Variants in EYS observed in about 807,000 individuals in gnomAD.
EYS encodes the protein EGF-like photoreceptor maintenance factor, also known as protein eyes shut homolog.
Under a neutral mutation model 282.1 loss-of-function variants are expected in EYS, and 250 were observed. That is an observed-to-expected ratio of 0.89 (90% CI 0.80 to 0.98). EYS has a LOEUF of 0.98. Among genes scored for constraint, EYS ranks in the 50% least tolerant of loss-of-function variants. The probability of loss-of-function intolerance (pLI) is 0.00; values close to 1 mark genes in which losing one functional copy is unlikely to be tolerated. For missense variants in EYS, 4,016 were observed against 3,709.0 expected (o/e 1.08, Z -2.15); for synonymous variants, 1,355 against 1,282.9 (o/e 1.06, Z -1.20).
At chr6:65,463,811 A>G (rs1256383077) in intron 5 of EYS, among the ~76,000 whole-genome samples, 2 of 152,114 alleles carry the variant, frequency 1.3e-5, no homozygotes, top group Non-Finnish European at 2.9e-5. Flanking sequence ...GTGTTCCATT[A>G]TTGGAGTGCT....
At position 64,946,693 on chromosome 6, in the gene EYS, G is replaced by A. The variant is rs549972727; in HGVS notation, c.2260-779C>T. On this transcript the variant is annotated intron_variant, in intron 14 of 42. Coordinates refer to ENST00000503581, the MANE Select transcript of EYS (RefSeq NM_001142800.2). ...ACTTTTCAATACAGTAGCCACATGT[G>A]GCTATAAAACATTGAAACATGGCTA... Among the ~76,000 whole-genome samples, 12 of 151,872 alleles carry A rather than the reference G, an allele frequency of 7.9e-5. No homozygotes were observed. The South Asian group carries it at 2.5e-3, about 32-fold the overall frequency.
chr6:65,362,994 T>C, intron 8 of EYS, among the ~76,000 whole-genome samples: 1 of 152,068 alleles, frequency 6.6e-6, no homozygotes, highest in Non-Finnish European at 1.5e-5. Context: ...ATGAAAATGA[T>C]CTGATTGCAT....
At chr6:65,392,578 C>T (rs572082990) in intron 7 of EYS, among the ~76,000 whole-genome samples, 38 of 152,210 alleles carry the variant, frequency 2.5e-4, no homozygotes, top group Admixed American at 9.2e-4. Context: ...AAAATGCTCA[C>T]CATCACTGGC....
At chr6:65,066,904 AT>A (rs1028124261) in intron 12 of EYS, among the ~76,000 whole-genome samples, 14 of 152,326 alleles carry the variant, frequency 9.2e-5, no homozygotes, top group Admixed American at 7.8e-4. Context: ...GGGACTGGTC[AT>A]TTAAATGTGA....
rs1386939564 is a variant in EYS at position 64,813,541 on chromosome 6, A to G, written c.3280T>C (p.Cys1094Arg). ...GTAAATCCATGTGCTGACTTCTGAC[A>G]GAAGCCTTCATTCATACAAGGGATT... ...TSIPCMNEGF[C>R]QKSAHGFTCI... The change falls in exon 22 of 43, where the codon TGT becomes CGT. Residue 1094 changes from cysteine (C) to arginine (R), a missense_variant. Physicochemically the swap from Cys to Arg is radical, Grantham distance 180 (BLOSUM62 -3). Transcript: ENST00000503581. 1 of 1,550,120 alleles carries G rather than the reference A, an allele frequency of 6.5e-7. No homozygotes were observed. Among genetic ancestry groups the G allele is most frequent in the Non-Finnish European group, 8.7e-7 (1 of 1,145,900 alleles).
intron 14 of EYS, among the ~76,000 whole-genome samples, chr6:64,951,537 GA>G (rs1769509931): frequency 6.6e-6 from 1 of 151,878 alleles, no homozygotes; most frequent in African/African-American, 2.4e-5. Context: ...ACTGACAGTA[GA>G]AATATACTAT....
intron 26 of EYS, among the ~76,000 whole-genome samples, chr6:64,514,818 C>A (rs1201369536): frequency 6.6e-6 from 1 of 151,590 alleles, no homozygotes; most frequent in Non-Finnish European, 1.5e-5. Context: ...GATATGTTGA[C>A]AGCATTAAAG....
At chr6:65,212,271 A>G (rs1766194665) in intron 12 of EYS, among the ~76,000 whole-genome samples, 2 of 152,106 alleles carry the variant, frequency 1.3e-5, no homozygotes, top group East Asian at 1.9e-4. Flanking sequence ...TTGGAAAAGA[A>G]AGAATATGGT....
rs983627817 is a variant in EYS at position 65,384,627 on chromosome 6, A to T, written c.1185-127T>A. 1.3e-5 allele frequency: 8 copies of T among 615,638 alleles called. No individual in the cohort carries two copies. In the Admixed American group the frequency reaches 1.4e-4, roughly 11 times the overall value. The allele number at this position is 615,638 out of a possible 1,614,324, so 38.1% of individuals were successfully genotyped here. ...ATGGTATTATTAATCATTTTTTAAT[A>T]CATACCTGTGATCTTAGCCAAAAAG... On this transcript the variant is annotated intron_variant, in intron 7 of 42. Coordinates refer to ENST00000503581, the MANE Select transcript of EYS (RefSeq NM_001142800.2).
At chr6:65,151,585 A>T (rs1764612234) in intron 12 of EYS, among the ~76,000 whole-genome samples, 1 of 152,066 alleles carries the variant, frequency 6.6e-6, no homozygotes, top group African/African-American at 2.4e-5. Context: ...TAGAAGAATA[A>T]GTATAAGCCC....
Position 65,162,385 on chromosome 6 carries a change from A to G in EYS, c.2024-104658T>C, listed in dbSNP as rs973938429. 1.6e-3 allele frequency among the ~76,000 whole-genome samples: 244 copies of G among 151,396 alleles called. 3 individuals carry two copies. The highest frequency in any genetic ancestry group is 1.1e-3 in the Non-Finnish European group (74 of 67,516). ...TGAGATAGAGAGGAAAATCCTCGGTAACACTACCTGACAATGAGCAGTTCT... is the reference window on the plus strand; with the variant it reads ...TGAGATAGAGAGGAAAATCCTCGGTGACACTACCTGACAATGAGCAGTTCT... On this transcript the variant is annotated intron_variant, in intron 12 of 42. Coordinates refer to ENST00000503581, the MANE Select transcript of EYS (RefSeq NM_001142800.2).
At chr6:64,351,846 T>G (rs548925638) in intron 29 of EYS, among the ~76,000 whole-genome samples, 1 of 151,584 alleles carries the variant, frequency 6.6e-6, no homozygotes, top group East Asian at 1.9e-4. Context: ...AATAATACCA[T>G]GTATGTATAA....
chr6:65,368,929 T>G (rs536733374), intron 8 of EYS, among the ~76,000 whole-genome samples: 1 of 151,508 alleles, frequency 6.6e-6, no homozygotes, highest in Non-Finnish European at 1.5e-5. Flanking sequence ...AAATGGATCA[T>G]GATCGTATGG....
intron 29 of EYS, among the ~76,000 whole-genome samples, chr6:64,364,415 A>G (rs550642850): frequency 6.6e-6 from 1 of 152,052 alleles, no homozygotes; most frequent in Non-Finnish European, 1.5e-5. Flanking sequence ...GAACATTATG[A>G]ATATAGCATA....
chr6:64,428,085 G>A (rs1440450831), intron 28 of EYS, among the ~76,000 whole-genome samples: 1 of 151,936 alleles, frequency 6.6e-6, no homozygotes, highest in Non-Finnish European at 1.5e-5. Flanking sequence ...CACTCAACTG[G>A]ATCATAATAC....
intron 1 of EYS, among the ~76,000 whole-genome samples, chr6:65,674,763 T>C (rs1202744598): frequency 6.6e-6 from 1 of 151,860 alleles, no homozygotes; most frequent in Non-Finnish European, 1.5e-5. Context: ...AAAAGAATGC[T>C]AGATAGCAAC....
intron 22 of EYS, among the ~76,000 whole-genome samples, chr6:64,773,602 A>T (rs1345649851): frequency 6.6e-6 from 1 of 151,882 alleles, no homozygotes; most frequent in Non-Finnish European, 1.5e-5. Flanking sequence ...AGCAGTGTAT[A>T]AGCATTAAAT....
intron 13 of EYS, among the ~76,000 whole-genome samples, chr6:65,034,168 C>T (rs758474204): frequency 6.6e-6 from 1 of 152,144 alleles, no homozygotes; most frequent in African/African-American, 2.4e-5. Flanking sequence ...AATGCCTATA[C>T]CCCCATTGTA....
intron 35 of EYS, among the ~76,000 whole-genome samples, chr6:63,874,358 C>G (rs1364333260): frequency 6.6e-6 from 1 of 152,162 alleles, no homozygotes; most frequent in Admixed American, 6.5e-5. Flanking sequence ...GTCTATATCT[C>G]TGTTTTGGTA....
Sources: allele counts gnomAD v4.1 joint callset (sites outside exome capture counted in the v4.1 genomes callset), GRCh38; gene constraint gnomAD v4.1.1; transcripts MANE v1.5; gene names NCBI Gene and HGNC (gene_info 2026-07-23, HGNC 2026-07-21).